Variants in VPS50 observed in about 807,000 individuals in gnomAD.
The protein encoded by VPS50 is syndetin.
In VPS50, 70 loss-of-function variants were observed where a neutral mutation model predicts 139.7. The ratio of observed to expected loss-of-function variants is 0.50; its 90% CI spans 0.41 to 0.61. The LOEUF (loss-of-function observed/expected upper bound fraction) is 0.61, where lower values mean the gene tolerates loss of function less well. Ranked by LOEUF, VPS50 falls within the 20% of genes least tolerant of loss-of-function variation. VPS50 has a pLI of 0.00. For synonymous variants in VPS50, 365 were observed against 376.7 expected (o/e 0.97, Z 0.36); for missense variants, 921 against 1,133.7 (o/e 0.81, Z 2.69).
intron 10 of VPS50, among the ~76,000 whole-genome samples, chr7:93,271,657 C>G (rs1796013724): frequency 6.6e-6 from 1 of 151,516 alleles, no homozygotes; most frequent in Non-Finnish European, 1.5e-5. Flanking sequence ...CTCCAAAATT[C>G]CTAAACCTCA....
intron 21 of VPS50, among the ~76,000 whole-genome samples, chr7:93,330,710 C>T (rs925344166): frequency 2.2e-4 from 32 of 146,326 alleles, no homozygotes; most frequent in African/African-American, 6.7e-4. Context: ...GCTGTGATTG[C>T]GCCACTGCAT....
At chr7:93,256,707 G>C (rs1285077679) in intron 5 of VPS50, 145 bp downstream of exon 5, 2 of 497,502 alleles carry the variant, frequency 4.0e-6, no homozygotes, top group East Asian at 7.4e-5. Context: ...GTATATGTAT[G>C]TATGTATATT....
intron 21 of VPS50, among the ~76,000 whole-genome samples, chr7:93,328,380 GGTTACCTTTCATTA>G (rs1377625676): frequency 6.6e-6 from 1 of 152,044 alleles, no homozygotes; most frequent in Non-Finnish European, 1.5e-5. Flanking sequence ...CCTCATTTAA[GGTTACCTTTCATTA>G]GTAAAACGGT....
At chr7:93,325,152 A>G (rs1243842707) in intron 21 of VPS50, among the ~76,000 whole-genome samples, 3 of 152,208 alleles carry the variant, frequency 2.0e-5, no homozygotes, top group African/African-American at 7.2e-5. Flanking sequence ...CATATCTACA[A>G]CTATCTGATC....
At chr7:93,261,887 A>T (rs1418604501) in intron 9 of VPS50, among the ~76,000 whole-genome samples, 4 of 152,156 alleles carry the variant, frequency 2.6e-5, no homozygotes, top group Admixed American at 1.3e-4. Flanking sequence ...CGGAGTTACC[A>T]AGCAAAATGA....
At chr7:93,235,395 T>G (rs1584368840) in intron 1 of VPS50, among the ~76,000 whole-genome samples, 2 of 152,152 alleles carry the variant, frequency 1.3e-5, no homozygotes, top group Non-Finnish European at 2.9e-5. Flanking sequence ...GACATAACAC[T>G]TCAGACAGAC....
chr7:93,256,437 C>T lies in VPS50; in HGVS notation c.298-72C>T, dbSNP rs1009323751. The T allele has an allele frequency of 4.0e-6, 3 of 756,564 alleles. No individual in the cohort carries two copies. In the East Asian group the frequency reaches 9.2e-5, roughly 23 times the overall value. The allele number at this position is 756,564 out of a possible 1,614,324, so 46.9% of individuals were successfully genotyped here. A position where few individuals can be genotyped will look rare whatever the true frequency, so the allele number is the denominator to read the frequency against. ...TCTATGGAATATTCTTTTAAAAATT[C>T]AAATATAAAATATCATAGAAAGCAT... is the stretch of plus-strand genomic sequence containing the variant. On this transcript the variant is annotated intron_variant, in intron 4 of 27. Transcript: ENST00000305866.
chr7:93,281,933 G>A (rs1239373008), intron 12 of VPS50, among the ~76,000 whole-genome samples: 6 of 152,060 alleles, frequency 3.9e-5, no homozygotes, highest in African/African-American at 7.2e-5. Context: ...GGCTGGGCGC[G>A]GTGGCTCACG....
chr7:93,341,171 G>A (rs1278054982), intron 22 of VPS50, among the ~76,000 whole-genome samples: 1 of 150,552 alleles, frequency 6.6e-6, no homozygotes, highest in Non-Finnish European at 1.5e-5. Flanking sequence ...AAGAGTCCTT[G>A]TGTTGACAGA....
chr7:93,272,698 G>T lies in VPS50; in HGVS notation c.766G>T (p.Val256Phe). ...KNFDINHYTK[V>F]QQAYRLLGKT... ...TTTTGACATTAACCATTATACCAAG[G>T]TTCAACAAGCTTATCGACTTCTTGG... Residue 256 changes from valine to phenylalanine, a missense_variant, in exon 11 of 28, where the codon GTT becomes TTT. This residue lies in a region of VPS50 where 744 missense variants were observed against 930.6 expected (regional missense o/e 0.80). Coordinates refer to ENST00000305866, the MANE Select transcript of VPS50 (RefSeq NM_017667.4). 6 of 1,572,334 alleles carry T rather than the reference G, an allele frequency of 3.8e-6. No individual in the cohort carries two copies. The highest frequency in any genetic ancestry group is 4.3e-6 in the Non-Finnish European group (5 of 1,152,730).
chr7:93,349,750 A>G, intron 24 of VPS50, 125 bp from the exon 25 acceptor site: 1 of 664,698 alleles, frequency 1.5e-6, no homozygotes. Flanking sequence ...ATCATAATTT[A>G]AATCTCCAAA....
chr7:93,315,577 CTG>C (rs1486362352), intron 20 of VPS50, among the ~76,000 whole-genome samples: 1 of 152,192 alleles, frequency 6.6e-6, no homozygotes, highest in Admixed American at 6.5e-5. Context: ...CTCAGCAACA[CTG>C]TGTATCCTCC....
At chr7:93,259,310 C>T (rs1795593517) in intron 8 of VPS50, 2 of 330,152 alleles carry the variant, frequency 6.1e-6, no homozygotes, top group South Asian at 8.7e-5. Context: ...GAAATGGTCT[C>T]AGGGGGCTGT....
At chr7:93,315,736 T>C (rs970949517) in intron 20 of VPS50, among the ~76,000 whole-genome samples, 4 of 152,212 alleles carry the variant, frequency 2.6e-5, no homozygotes, top group Admixed American at 6.5e-5. Context: ...CCACTGCTCA[T>C]TTTTATATAA....
At chr7:93,303,230 ATACT>A (rs1007084711) in intron 16 of VPS50, among the ~76,000 whole-genome samples, 4 of 151,942 alleles carry the variant, frequency 2.6e-5, no homozygotes, top group African/African-American at 4.8e-5. Flanking sequence ...TATAGTAAAA[ATACT>A]TAGTTTAGTA....
chr7:93,358,261 C>G (rs1798762413), intron 27 of VPS50, 56 bp from the exon 28 acceptor site: 8 of 1,547,556 alleles, frequency 5.2e-6, no homozygotes, highest in African/African-American at 1.4e-5. Flanking sequence ...TTTTGTTGCA[C>G]TGATCAGATA....
At chr7:93,343,360 G>C (rs1269278247) in intron 23 of VPS50, among the ~76,000 whole-genome samples, 2 of 152,150 alleles carry the variant, frequency 1.3e-5, no homozygotes, top group African/African-American at 4.8e-5. Context: ...CGTCTGATTG[G>C]TGTACCTGAA....
chr7:93,253,149 T>C (rs1167940362), intron 3 of VPS50, among the ~76,000 whole-genome samples: 3 of 152,202 alleles, frequency 2.0e-5, no homozygotes, highest in Non-Finnish European at 4.4e-5. Context: ...TGCCATAGTG[T>C]TTATAATACT....
chr7:93,343,590 C>T (rs1458630659), intron 23 of VPS50, among the ~76,000 whole-genome samples: 10 of 152,126 alleles, frequency 6.6e-5, no homozygotes, highest in African/African-American at 2.4e-4. Flanking sequence ...AGAGAAAGGT[C>T]GGGTTACCCT....
Sources: gnomAD v4.1 joint callset for allele counts (sites outside exome capture counted in the v4.1 genomes callset) on GRCh38, gnomAD v4.1.1 for gene constraint, gnomAD v4.1.1 regional missense constraint, MANE v1.5 for transcripts, NCBI Gene and HGNC (gene_info 2026-07-23, HGNC 2026-07-21) for gene names.